RGPD2: variants seen among roughly 807,000 people sequenced by gnomAD.
RGPD2 encodes the protein RANBP2-like and GRIP domain-containing protein 2.
Under a neutral mutation model 36.0 loss-of-function variants are expected in RGPD2, and 2 were observed. The ratio of observed to expected loss-of-function variants is 0.06; its 90% CI spans 0.02 to 0.17. The LOEUF (loss-of-function observed/expected upper bound fraction) is 0.17, where lower values mean the gene tolerates loss of function less well. Ranked by LOEUF, RGPD2 falls within the 10% of genes least tolerant of loss-of-function variation. The pLI, the probability that RGPD2 is intolerant of heterozygous loss-of-function variation, is 1.00. For missense variants in RGPD2, 40 were observed against 464.3 expected, an observed-to-expected ratio of 0.09 and a Z score of 8.40; for synonymous variants, 19 against 163.8, an observed-to-expected ratio of 0.12 and a Z score of 6.75.
the RGPD2 span, among the ~76,000 whole-genome samples, chr2:87,951,383 T>C: frequency 6.6e-6 from 1 of 151,868 alleles, no homozygotes; most frequent in Admixed American, 6.6e-5. Flanking sequence ...TCGAGATATC[T>C]GTAATAAAGT....
At chr2:87,856,736 G>A in the RGPD2 span, among the ~76,000 whole-genome samples, 1 of 152,188 alleles carries the variant, frequency 6.6e-6, no homozygotes, top group African/African-American at 2.4e-5. Context: ...TTGGTGTGTG[G>A]ATGAATAATG....
At chr2:87,829,400 T>C (rs1686912156), upstream of RGPD2, among the ~76,000 whole-genome samples, 1 of 146,242 alleles carries the variant, frequency 6.8e-6, no homozygotes, top group South Asian at 2.3e-4. Context: ...AATGCAAACA[T>C]TAGATGTCTA....
the RGPD2 span, among the ~76,000 whole-genome samples, chr2:87,897,609 C>T: frequency 6.6e-6 from 1 of 150,854 alleles, no homozygotes; most frequent in African/African-American, 2.4e-5. Context: ...AGCTGTTTTC[C>T]CTAAAACTCT....
At chr2:87,841,480 A>C in the RGPD2 span, among the ~76,000 whole-genome samples, 222 of 152,240 alleles carry the variant, frequency 1.5e-3, no homozygotes, top group Non-Finnish European at 2.3e-3. Context: ...AATTTCTTTA[A>C]ATTTTAAATA....
the RGPD2 span, among the ~76,000 whole-genome samples, chr2:87,884,240 C>A: frequency 4.0e-5 from 6 of 151,794 alleles, no homozygotes; most frequent in Admixed American, 3.9e-4. Flanking sequence ...TAAATAATAT[C>A]TTGAGAAAAC....
At chr2:87,867,081 G>A in the RGPD2 span, among the ~76,000 whole-genome samples, 1 of 149,402 alleles carries the variant, frequency 6.7e-6, no homozygotes, top group South Asian at 2.1e-4. Context: ...GGCTAATAAC[G>A]GCAAATTTGG....
chr2:87,851,682 CA>C, the RGPD2 span, among the ~76,000 whole-genome samples: 1 of 2,420 alleles, frequency 4.1e-4, no homozygotes, highest in African/African-American at 1.6e-3. Context: ...GACTACATCT[CA>C]AAAAAAAAAC....
the RGPD2 span, among the ~76,000 whole-genome samples, chr2:87,916,814 G>C: frequency 1.3e-4 from 20 of 150,826 alleles, no homozygotes; most frequent in African/African-American, 4.9e-4. Context: ...AAATGACCCA[G>C]TCTCAAGAAT....
chr2:87,883,823 A>G, the RGPD2 span, among the ~76,000 whole-genome samples: 1 of 152,052 alleles, frequency 6.6e-6, no homozygotes, highest in African/African-American at 2.4e-5. Context: ...TCGAAAGGAG[A>G]CATGGAATGT....
intron 7 of RGPD2, among the ~76,000 whole-genome samples, chr2:87,806,105 G>A (rs1166538985): frequency 6.6e-6 from 1 of 150,444 alleles, no homozygotes; most frequent in Admixed American, 6.7e-5. Context: ...GGAGGCTGCA[G>A]TGAGCCGAGA....
chr2:87,798,643 C>T (rs1279428427), intron 8 of RGPD2, among the ~76,000 whole-genome samples: 1 of 88,476 alleles, frequency 1.1e-5, no homozygotes, highest in East Asian at 3.0e-4. Flanking sequence ...ATAATGAGGT[C>T]AGGAGATCAA....
the RGPD2 span, among the ~76,000 whole-genome samples, chr2:87,905,255 C>T: frequency 0.16 from 24,373 of 148,238 alleles, no homozygotes; most frequent in African/African-American, 0.3. Flanking sequence ...AGAGACACCT[C>T]ACTGAACTGG....
At chr2:87,883,625 G>A in the RGPD2 span, among the ~76,000 whole-genome samples, 47 of 151,882 alleles carry the variant, frequency 3.1e-4, no homozygotes, top group African/African-American at 1.1e-3. Context: ...GGAGAAACAC[G>A]TTAAAGGGAG....
At chr2:87,972,140 T>C in the RGPD2 span, among the ~76,000 whole-genome samples, 1 of 152,176 alleles carries the variant, frequency 6.6e-6, no homozygotes, top group Non-Finnish European at 1.5e-5. Flanking sequence ...AGGTGAGTAG[T>C]TTGGTCAGCA....
chr2:87,984,479 AT>A, the RGPD2 span, among the ~76,000 whole-genome samples: 2 of 150,918 alleles, frequency 1.3e-5, no homozygotes, highest in East Asian at 3.9e-4. Context: ...TTTAGAAAAA[AT>A]TTTTAATGAT....
At chr2:87,859,668 G>C in the RGPD2 span, among the ~76,000 whole-genome samples, 1 of 152,198 alleles carries the variant, frequency 6.6e-6, no homozygotes. Flanking sequence ...GGAATGGCAG[G>C]AAGTTATTTC....
chr2:87,895,216 T>A, the RGPD2 span, among the ~76,000 whole-genome samples: 1 of 152,288 alleles, frequency 6.6e-6, no homozygotes, highest in Non-Finnish European at 1.5e-5. Flanking sequence ...TAAGGTAGCA[T>A]GCAACTCAGC....
At chr2:87,883,375 GC>G in the RGPD2 span, among the ~76,000 whole-genome samples, 2 of 151,114 alleles carry the variant, frequency 1.3e-5, no homozygotes, top group African/African-American at 4.9e-5. Flanking sequence ...AAACATCAAA[GC>G]AAAAAAGCTA....
chr2:87,960,125 C>T, the RGPD2 span, among the ~76,000 whole-genome samples: 1 of 149,516 alleles, frequency 6.7e-6, no homozygotes, highest in Admixed American at 6.7e-5. Context: ...TCGTGTTTGT[C>T]TCCCTCACAG....
Sources: gnomAD v4.1 joint callset for allele counts (sites outside exome capture counted in the v4.1 genomes callset) on GRCh38, gnomAD v4.1.1 for gene constraint, MANE v1.5 for transcripts, NCBI Gene and HGNC (gene_info 2026-07-23, HGNC 2026-07-21) for gene names.